Variants in ERCC1 observed in about 807,000 individuals in gnomAD.
ERCC1 encodes ERCC excision repair 1, endonuclease non-catalytic subunit.
ERCC1 carries 36 observed loss-of-function variants against 37.6 expected under a neutral mutation model. That is an observed-to-expected ratio of 0.96 (90% CI 0.73 to 1.26). ERCC1 has a LOEUF of 1.26. ERCC1 is among the 50% of genes most tolerant of loss of function. ERCC1 has a pLI of 0.00. For missense variants in ERCC1, 349 were observed against 376.5 expected (o/e 0.93, Z 0.60); for synonymous variants, 156 against 162.1 (o/e 0.96, Z 0.28).
chr19:45,420,218 C>G lies in ERCC1; in HGVS notation c.425+106G>C. ...CCACCAAGGCCCAGAACCTGCAGGACCATGCCCAGAGGCTTCTCATAGAAC... is the reference window on the plus strand; with the variant it reads ...CCACCAAGGCCCAGAACCTGCAGGAGCATGCCCAGAGGCTTCTCATAGAAC... On this transcript the variant is annotated intron_variant, in intron 4 of 9. Transcript: ENST00000300853. This position sits in a 1 kb window ranked among gnomAD's most constrained non-coding sequence, Gnocchi z 4.8. 1 of 796,570 alleles carries G rather than the reference C, an allele frequency of 1.3e-6. No individual in the cohort carries two copies. Among genetic ancestry groups the G allele is most frequent in the Admixed American group, 2.0e-5 (1 of 50,036 alleles). The allele number at this position is 796,570 out of a possible 1,614,324, so 49.3% of individuals were successfully genotyped here. A position where few individuals can be genotyped will look rare whatever the true frequency, so the allele number is the denominator to read the frequency against.
At chr19:45,439,203 A>G (rs1038559456) in intron 1 of ERCC1, among the ~76,000 whole-genome samples, 1 of 151,960 alleles carries the variant, frequency 6.6e-6, no homozygotes, top group Non-Finnish European at 1.5e-5. Context: ...AAAAACAAAC[A>G]AACAAAAAAA....
intron 1 of ERCC1, 96 bp from the exon 2 acceptor site, chr19:45,423,477 T>C (rs1974567086): frequency 6.6e-7 from 1 of 1,506,886 alleles, no homozygotes. Context: ...CCCACAAAAC[T>C]CCGAGAGCTC....
At chr19:45,422,625 C>T (rs967530260) in intron 2 of ERCC1, among the ~76,000 whole-genome samples, 12 of 152,028 alleles carry the variant, frequency 7.9e-5, no homozygotes, top group Non-Finnish European at 1.6e-4. Flanking sequence ...ATTAGCCAGG[C>T]GCGCTCCTGT....
upstream of ERCC1, chr19:45,423,935 T>A (rs542528184): frequency 4.3e-5 from 47 of 1,093,300 alleles, no homozygotes; most frequent in African/African-American, 6.9e-4. Context: ...CTGGCCCCGC[T>A]CCCCAGGAGA....
At chr19:45,443,498 T>A (rs910108155) in intron 1 of ERCC1, among the ~76,000 whole-genome samples, 9 of 152,116 alleles carry the variant, frequency 5.9e-5, no homozygotes, top group Non-Finnish European at 1.2e-4. Flanking sequence ...GTTCGCGCCG[T>A]TGGTGGACTC....
At chr19:45,409,895 A>ATTTTTTTTTTTTTTTTTTTTTT (rs57573120) in intron 9 of ERCC1, 170 bp from the exon 10 acceptor site, 1 of 169,076 alleles carries the variant, frequency 5.9e-6, no homozygotes, top group Non-Finnish European at 1.1e-5. Flanking sequence ...TATTATTATT[A>ATTTTTTTTTTTTTTTTTTTTTT]TTTTTTTTTT....
At chr19:45,415,561 G>A (rs1445828600) in intron 6 of ERCC1, among the ~76,000 whole-genome samples, 6 of 150,812 alleles carry the variant, frequency 4.0e-5, no homozygotes, top group East Asian at 1.9e-4. Flanking sequence ...GCGTGAACCC[G>A]GGAGGTGGAG....
intron 1 of ERCC1, among the ~76,000 whole-genome samples, chr19:45,433,656 C>T (rs1267954110): frequency 2.0e-5 from 3 of 150,522 alleles, no homozygotes; most frequent in Non-Finnish European, 3.0e-5. Flanking sequence ...CCACTGCACA[C>T]CAGCCTGGGT....
rs765598246 is a variant in ERCC1, at chr19:45,409,432, A to G, written c.*243T>C. ...AGATGCCAGGGCCGCCACTGAATTC[A>G]GAGTCTGGGGAGGAGGCTCCCACAG... On this transcript the variant is annotated 3_prime_UTR_variant, in exon 10 of 10. Coordinates refer to ENST00000300853, the MANE Select transcript of ERCC1 (RefSeq NM_001983.4). 1.9e-6 allele frequency: 3 copies of G among 1,613,698 alleles called. No individual in the cohort carries two copies. In the South Asian group the frequency reaches 3.3e-5, roughly 18 times the overall value.
At chr19:45,416,327 C>T (rs374369073) in intron 6 of ERCC1, among the ~76,000 whole-genome samples, 5 of 152,116 alleles carry the variant, frequency 3.3e-5, no homozygotes, top group Non-Finnish European at 7.3e-5. Flanking sequence ...GCTTATTTTC[C>T]CGCTGCAGCA....
rs35170597 is a variant in ERCC1, at chr19:45,432,283, TTTATTATTATTATTA to T, written c.-7-8917_-7-8903del. Among the ~76,000 whole-genome samples, 7 of 145,976 alleles carry T rather than the reference TTTATTATTATTATTA, an allele frequency of 4.8e-5. No individual in the cohort carries two copies. The East Asian group carries it at 1.0e-3, about 21-fold the overall frequency. On this transcript the variant is annotated intron_variant, in intron 1 of 8. Transcript: ENST00000423698. ...CCACGCCTGGCCAACACAAAATTAA[TTTATTATTATTATTA>T]TTATTATTATTATTATTAGTTATTT...
At position 45,421,239 on chromosome 19, in the gene ERCC1, G is replaced by A. The variant is rs766869924; in HGVS notation, c.260C>T (p.Thr87Met). ...PTGSEPLAGE[T>M]PNQALKPGAK... ...CCCGGGTTTCAGGGCCTGGTTGGGC[G>A]TCTCTCCTGCCAGGGGCTCTGACCC... is the stretch of plus-strand genomic sequence containing the variant. Residue 87 changes from threonine (T) to methionine (M), a missense_variant, in exon 3 of 10, where the codon ACG (threonine) becomes ATG (methionine). Transcript: ENST00000300853. 31 of 1,614,186 alleles carry A rather than the reference G, an allele frequency of 1.9e-5. No homozygotes were observed. The highest frequency in any genetic ancestry group is 3.3e-4 in the Middle Eastern group (2 of 6,052).
chr19:45,439,408 T>C (rs2123598243), intron 1 of ERCC1, among the ~76,000 whole-genome samples: 1 of 152,092 alleles, frequency 6.6e-6, no homozygotes, highest in South Asian at 2.1e-4. Context: ...TAGTAGTTAA[T>C]AATAATAGGC....
chr19:45,427,175 G>A (rs1170190364), upstream of ERCC1, among the ~76,000 whole-genome samples: 1 of 151,672 alleles, frequency 6.6e-6, no homozygotes, highest in Non-Finnish European at 1.5e-5. Context: ...AGAAAAGAAA[G>A]GAAAGAAAAA....
chr19:45,440,161 T>C (rs112511977), intron 1 of ERCC1, among the ~76,000 whole-genome samples: 11,657 of 147,424 alleles, frequency 0.079, 1,480 homozygotes, highest in African/African-American at 0.28. Context: ...CCTTCCTACG[T>C]CCCCCACATT....
intron 2 of ERCC1, among the ~76,000 whole-genome samples, chr19:45,421,884 C>T (rs765052037): frequency 2.0e-5 from 3 of 150,380 alleles, no homozygotes; most frequent in Non-Finnish European, 2.9e-5. Context: ...CCGCCCGCCT[C>T]GGCCTCCCAA....
In ERCC1 at chr19:45,421,345, AGGT is replaced by A. The variant is rs767565990; in HGVS notation, c.151_153del (p.Thr51del). 1 of 1,613,786 alleles carries A rather than the reference AGGT, an allele frequency of 6.2e-7. No homozygotes were observed. The highest frequency in any genetic ancestry group is 1.3e-5 in the African/African-American group (1 of 74,894). On this transcript the variant is annotated inframe_deletion, in exon 3 of 10. Coordinates refer to ENST00000300853, the MANE Select transcript of ERCC1 (RefSeq NM_001983.4). ...TAGGTCTGAGGGGCCGCCTGGGCCG[AGGT>A]GTCCACAGTGGGAAGGCTCTGTGTA...
intron 1 of ERCC1, among the ~76,000 whole-genome samples, chr19:45,440,713 A>G (rs1252449428): frequency 3.3e-5 from 5 of 151,900 alleles, no homozygotes; most frequent in Non-Finnish European, 1.5e-5. Flanking sequence ...ACCCACCTCC[A>G]CTAATATTTT....
chr19:45,440,326 T>C (rs1018725950), intron 1 of ERCC1, among the ~76,000 whole-genome samples: 1 of 151,794 alleles, frequency 6.6e-6, no homozygotes, highest in African/African-American at 2.4e-5. Flanking sequence ...TCCACCCTCA[T>C]CGCCAATCTC....
Sources: gnomAD v4.1 joint callset for allele counts (sites outside exome capture counted in the v4.1 genomes callset) on GRCh38, gnomAD v4.1.1 for gene constraint, Gnocchi (gnomAD v3.1) non-coding constraint, MANE v1.5 for transcripts, NCBI Gene and HGNC (gene_info 2026-07-23, HGNC 2026-07-21) for gene names.